The following TFEC variants were observed in gnomAD, a reference collection of about 807,000 sequenced individuals.
TFEC encodes transcription factor EC, also known as class E basic helix-loop-helix protein 34.
In TFEC, 31 loss-of-function variants were observed where a neutral mutation model predicts 41.6. The ratio of observed to expected loss-of-function variants is 0.74; its 90% CI spans 0.56 to 1.01. The LOEUF (loss-of-function observed/expected upper bound fraction) is 1.01. Ranked by LOEUF, TFEC falls within the 50% of genes least tolerant of loss-of-function variation. The pLI, the probability that TFEC is intolerant of heterozygous loss-of-function variation, is 0.00. For missense variants in TFEC, 402 were observed against 404.1 expected (o/e 0.99, Z 0.04); for synonymous variants, 143 against 140.6 (o/e 1.02, Z -0.12).
chr7:115,991,560 AG>A (rs1192925645), intron 1 of TFEC, among the ~76,000 whole-genome samples: 1 of 152,196 alleles, frequency 6.6e-6, no homozygotes, highest in Admixed American at 6.5e-5. Flanking sequence ...AACAAAAAAA[AG>A]GAGGGGTTGC....
chr7:115,992,445 T>C (rs1049636278), intron 1 of TFEC, among the ~76,000 whole-genome samples: 4 of 151,958 alleles, frequency 2.6e-5, no homozygotes, highest in African/African-American at 7.3e-5. Flanking sequence ...ATCAACAAAA[T>C]TGATAGACCG....
rs1793195954 is a variant in TFEC, at chr7:115,935,702, A to G, written c.*4849T>C. 6.6e-6 allele frequency: 1 copy of G among 151,672 alleles called. No individual in the cohort carries two copies. Among genetic ancestry groups the G allele is most frequent in the Non-Finnish European group, 1.5e-5 (1 of 67,628 alleles). 9.4% of individuals were successfully genotyped at this position (151,672 alleles called of 1,614,324 possible). ...AATTTATATTCTATGGAAAAAATAC[A>G]GTGACAATATAGAATTTTTGCAATA... On this transcript the variant is annotated 3_prime_UTR_variant, in exon 8 of 8. Transcript: ENST00000265440.
chr7:115,941,650 T>C (rs1302181412), intron 7 of TFEC: 1 of 492,504 alleles, frequency 2.0e-6, no homozygotes, highest in African/African-American at 1.9e-5. Flanking sequence ...CACACATATA[T>C]ACACATATAT....
intron 1 of TFEC, among the ~76,000 whole-genome samples, chr7:116,133,796 A>G (rs1423230233): frequency 6.6e-6 from 1 of 152,224 alleles, no homozygotes; most frequent in Non-Finnish European, 1.5e-5. Context: ...CTAAAACTTT[A>G]TGAATAGCAG....
At chr7:116,045,271 G>C (rs931441998) in intron 3 of TFEC, among the ~76,000 whole-genome samples, 3 of 152,250 alleles carry the variant, frequency 2.0e-5, no homozygotes, top group Admixed American at 6.5e-5. Flanking sequence ...GAGCAAAGGT[G>C]ACTCTTGTTA....
At chr7:116,112,032 T>C (rs1797866433) in exon 2 of TFEC, 3 of 985,536 alleles carry the variant, frequency 3.0e-6, no homozygotes, top group African/African-American at 1.7e-5. Flanking sequence ...AAATCATTGA[T>C]AGGACTCTGA....
intron 5 of TFEC, among the ~76,000 whole-genome samples, chr7:115,952,575 A>G (rs988916005): frequency 1.3e-5 from 2 of 152,020 alleles, no homozygotes. Flanking sequence ...AATTTATCTG[A>G]TGTAGAATGT....
At chr7:116,088,283 T>A (rs532227854) in intron 3 of TFEC, among the ~76,000 whole-genome samples, 37 of 152,128 alleles carry the variant, frequency 2.4e-4, no homozygotes, top group Non-Finnish European at 4.0e-4. Flanking sequence ...TGCAGAACTT[T>A]TCATTATTTA....
chr7:115,981,812 T>C (rs1218208231), intron 2 of TFEC, among the ~76,000 whole-genome samples: 1 of 151,026 alleles, frequency 6.6e-6, no homozygotes, highest in African/African-American at 2.4e-5. Context: ...AGACAAACGG[T>C]CATGATCAAA....
At chr7:115,954,500 CT>C (rs1192853760) in intron 5 of TFEC, 85 bp downstream of exon 5, 1 of 1,106,560 alleles carries the variant, frequency 9.0e-7, no homozygotes, top group Admixed American at 2.7e-5. Context: ...CATGAAAATA[CT>C]TATGGAGTAT....
At chr7:115,981,698 G>C (rs1793638012) in intron 2 of TFEC, among the ~76,000 whole-genome samples, 1 of 152,186 alleles carries the variant, frequency 6.6e-6, no homozygotes, top group African/African-American at 2.4e-5. Context: ...GCGTTGCTAT[G>C]AAAACTCAGA....
At position 116,026,912 on chromosome 7, in the gene TFEC, G is replaced by T. The variant is rs116932991; in HGVS notation, c.-73+3721C>A. Among the ~76,000 whole-genome samples, 704 of 152,280 alleles carry T rather than the reference G, an allele frequency of 4.6e-3. 2 individuals are homozygous for T. Among genetic ancestry groups the T allele is most frequent in the African/African-American group, 0.016 (652 of 41,570 alleles). On this transcript the variant is annotated intron_variant, in intron 1 of 7. Coordinates refer to ENST00000265440, the MANE Select transcript of TFEC (RefSeq NM_012252.4). ...GGAAAAGTGATTGGCTAAGTGGGGA[G>T]AAACACTAGAGAGTATTACTAAAAT...
chr7:115,956,114 T>C (rs1792211369), intron 4 of TFEC, among the ~76,000 whole-genome samples: 2 of 151,990 alleles, frequency 1.3e-5, no homozygotes, highest in Admixed American at 6.6e-5. Flanking sequence ...CTCATTTATT[T>C]TGGAAGAATT....
Position 115,940,462 on chromosome 7 carries a change from A to G in TFEC, c.*89T>C. On this transcript the variant is annotated 3_prime_UTR_variant, in exon 8 of 8. Coordinates refer to ENST00000265440, the MANE Select transcript of TFEC (RefSeq NM_012252.4). ...ACACATTCCTTTAAGAAAAAAAATA[A>G]GCCAAAGCAACATATGAAACACAGA... 1 of 1,398,236 alleles carries G rather than the reference A, an allele frequency of 7.2e-7. No homozygotes were observed. The highest frequency in any genetic ancestry group is 9.5e-7 in the Non-Finnish European group (1 of 1,048,306). The allele number at this position is 1,398,236 out of a possible 1,614,324, so 86.6% of individuals were successfully genotyped here. A position where few individuals can be genotyped will look rare whatever the true frequency, so the allele number is the denominator to read the frequency against.
At position 115,940,435 on chromosome 7, in the gene TFEC, C is replaced by T. The variant is rs1445039097; in HGVS notation, c.*116G>A. 2.6e-6 allele frequency: 3 copies of T among 1,142,636 alleles called. No homozygotes were observed. Among genetic ancestry groups the T allele is most frequent in the East Asian group, 5.2e-5 (2 of 38,814 alleles). 70.8% of individuals were successfully genotyped at this position (1,142,636 alleles called of 1,614,324 possible). A position where few individuals can be genotyped will look rare whatever the true frequency, so the allele number is the denominator to read the frequency against. ...GTTGCTTCTATCAGTTTTTCATGAA[C>T]AACACATTCCTTTAAGAAAAAAAAT... On this transcript the variant is annotated 3_prime_UTR_variant, in exon 8 of 8. Coordinates refer to ENST00000265440, the MANE Select transcript of TFEC (RefSeq NM_012252.4).
At chr7:116,107,949 G>T (rs1797758548) in intron 3 of TFEC, among the ~76,000 whole-genome samples, 1 of 152,106 alleles carries the variant, frequency 6.6e-6, no homozygotes, top group African/African-American at 2.4e-5. Context: ...CATAGCAATT[G>T]CTTACCAAGT....
At chr7:116,154,410 T>C (rs1226353886) in intron 1 of TFEC, among the ~76,000 whole-genome samples, 1 of 152,160 alleles carries the variant, frequency 6.6e-6, no homozygotes, top group Non-Finnish European at 1.5e-5. Context: ...AAGGAGTACG[T>C]AACTAACATG....
chr7:115,990,355 C>T (rs201103795), intron 1 of TFEC, among the ~76,000 whole-genome samples: 15 of 152,224 alleles, frequency 9.9e-5, no homozygotes, highest in East Asian at 5.8e-4. Context: ...TCACCAGCAA[C>T]GGAACAAACC....
chr7:116,066,246 C>G (rs556280603), intron 3 of TFEC, among the ~76,000 whole-genome samples: 2 of 152,220 alleles, frequency 1.3e-5, no homozygotes, highest in African/African-American at 4.8e-5. Context: ...CATGACAAAG[C>G]TGATCTACAA....
Sources: gnomAD v4.1 joint callset for allele counts (sites outside exome capture counted in the v4.1 genomes callset) on GRCh38, gnomAD v4.1.1 for gene constraint, MANE v1.5 for transcripts, NCBI Gene and HGNC (gene_info 2026-07-23, HGNC 2026-07-21) for gene names.